The following GNB4 variants were observed in gnomAD, a reference collection of about 807,000 sequenced individuals.
GNB4 encodes the protein G protein subunit beta 4, also known as guanine nucleotide-binding protein subunit beta-4.
GNB4 carries 28 observed loss-of-function variants against 45.2 expected under a neutral mutation model. The observed-to-expected ratio is 0.62, with a 90% CI of 0.46 to 0.85. The LOEUF (loss-of-function observed/expected upper bound fraction) is 0.85. Among genes scored for constraint, GNB4 ranks in the 40% least tolerant of loss-of-function variants. GNB4 has a pLI of 0.00. For synonymous variants in GNB4, 132 were observed against 143.7 expected, an observed-to-expected ratio of 0.92 and a Z score of 0.58; for missense variants, 321 against 425.4, an observed-to-expected ratio of 0.75 and a Z score of 2.16.
intron 1 of GNB4, among the ~76,000 whole-genome samples, chr3:179,442,903 G>C (rs1050657933): frequency 3.3e-5 from 5 of 152,168 alleles, no homozygotes; most frequent in African/African-American, 1.2e-4. Flanking sequence ...TAGCTGGGAT[G>C]AAAGGTGTGA....
intron 1 of GNB4, among the ~76,000 whole-genome samples, chr3:179,439,519 C>T (rs559875632): frequency 8.5e-5 from 13 of 152,124 alleles, no homozygotes; most frequent in African/African-American, 1.7e-4. Flanking sequence ...TTGTGGGCCC[C>T]GAGATCTCTA....
At chr3:179,447,249 C>T (rs770329162) in intron 1 of GNB4, among the ~76,000 whole-genome samples, 2 of 149,726 alleles carry the variant, frequency 1.3e-5, no homozygotes, top group Non-Finnish European at 2.9e-5. Context: ...ACAGCAGTGA[C>T]GATGGCGAGG....
In GNB4 at chr3:179,399,685, TAAAAAC is replaced by T. The variant is rs1359302909; in HGVS notation, c.*1522_*1527del. 4 of 152,144 alleles carry T rather than the reference TAAAAAC, an allele frequency of 2.6e-5. No homozygotes were observed. Among genetic ancestry groups the T allele is most frequent in the African/African-American group, 7.2e-5 (3 of 41,422 alleles). The allele number at this position is 152,144 out of a possible 1,614,324, so 9.4% of individuals were successfully genotyped here. A position where few individuals can be genotyped will look rare whatever the true frequency, so the allele number is the denominator to read the frequency against. On this transcript the variant is annotated 3_prime_UTR_variant, in exon 10 of 10. Coordinates refer to ENST00000232564, the MANE Select transcript of GNB4 (RefSeq NM_021629.4). ...TGCACATATTAGCACATTCACAACA[TAAAAAC>T]AAAAATTTAGAGGTAAAGTTTGGGA...
At chr3:179,488,763 G>A in the GNB4 span, among the ~76,000 whole-genome samples, 6 of 151,370 alleles carry the variant, frequency 4.0e-5, no homozygotes, top group African/African-American at 1.5e-4. Flanking sequence ...GGGCCAGATC[G>A]CTTGAGCTCA....
At chr3:179,412,389 G>T (rs1714676992) in intron 8 of GNB4, among the ~76,000 whole-genome samples, 2 of 152,064 alleles carry the variant, frequency 1.3e-5, no homozygotes, top group Admixed American at 6.6e-5. Flanking sequence ...GAGGCAGGAA[G>T]ATCACTTGAG....
the GNB4 span, among the ~76,000 whole-genome samples, chr3:179,514,639 C>T: frequency 2.0e-5 from 3 of 152,132 alleles, no homozygotes; most frequent in East Asian, 5.8e-4. Context: ...ACTGGGTGTC[C>T]TATACGAAGA....
the GNB4 span, among the ~76,000 whole-genome samples, chr3:179,468,031 T>TAAAAAA: frequency 6.5e-4 from 44 of 67,320 alleles, 2 homozygotes; most frequent in African/African-American, 2.5e-3. Flanking sequence ...ATTTTGTTGA[T>TAAAAAA]AAAAATATAT....
the GNB4 span, among the ~76,000 whole-genome samples, chr3:179,487,434 A>G: frequency 2.0e-5 from 3 of 152,314 alleles, no homozygotes; most frequent in South Asian, 6.2e-4. Context: ...CCTCTTGGCG[A>G]AGGGAACCCC....
chr3:179,497,038 AT>A, the GNB4 span, among the ~76,000 whole-genome samples: 1 of 152,014 alleles, frequency 6.6e-6, no homozygotes, highest in Non-Finnish European at 1.5e-5. Flanking sequence ...TTTGGGATTA[AT>A]TTTTTCTTTT....
the GNB4 span, among the ~76,000 whole-genome samples, chr3:179,525,192 G>A: frequency 9.2e-5 from 14 of 152,106 alleles, no homozygotes; most frequent in South Asian, 2.1e-4. Flanking sequence ...AGACCCATTC[G>A]CCCATTTTTT....
At chr3:179,470,964 G>C in the GNB4 span, among the ~76,000 whole-genome samples, 2 of 152,114 alleles carry the variant, frequency 1.3e-5, no homozygotes, top group Non-Finnish European at 2.9e-5. Flanking sequence ...CGGATCACGA[G>C]GTCAGGAGAT....
chr3:179,451,641 G>C (rs551466086), upstream of GNB4: 20 of 151,646 alleles, frequency 1.3e-4, no homozygotes, highest in Non-Finnish European at 2.2e-4. Context: ...CGAAGGGAGC[G>C]GGCGCCGCGC....
the GNB4 span, among the ~76,000 whole-genome samples, chr3:179,514,485 G>A: frequency 6.6e-6 from 1 of 152,196 alleles, no homozygotes; most frequent in Non-Finnish European, 1.5e-5. Context: ...GAAGCTGACA[G>A]AGTGTTAGGG....
intron 4 of GNB4, among the ~76,000 whole-genome samples, chr3:179,418,155 C>T (rs1450409410): frequency 6.6e-6 from 1 of 152,044 alleles, no homozygotes; most frequent in Non-Finnish European, 1.5e-5. Context: ...TTTTTATCTT[C>T]AACTCCTTTA....
At chr3:179,492,962 C>T in the GNB4 span, among the ~76,000 whole-genome samples, 1 of 152,204 alleles carries the variant, frequency 6.6e-6, no homozygotes, top group Admixed American at 6.5e-5. Flanking sequence ...TCTTTGCCAA[C>T]AGAGACTTCA....
At chr3:179,464,521 A>C in the GNB4 span, 3 of 1,611,526 alleles carry the variant, frequency 1.9e-6, no homozygotes, top group Admixed American at 1.7e-5. Flanking sequence ...GAGGTAGAAG[A>C]GTGGGTGGCC....
the GNB4 span, among the ~76,000 whole-genome samples, chr3:179,502,663 C>T: frequency 6.6e-6 from 1 of 151,800 alleles, no homozygotes; most frequent in Non-Finnish European, 1.5e-5. Context: ...GCAATGGTAG[C>T]CTGTAGTCTA....
chr3:179,486,823 C>G, the GNB4 span, among the ~76,000 whole-genome samples: 1 of 152,218 alleles, frequency 6.6e-6, no homozygotes, highest in South Asian at 2.1e-4. Flanking sequence ...GCTTAAGAAA[C>G]AGCTTTAAAT....
the GNB4 span, among the ~76,000 whole-genome samples, chr3:179,495,752 G>A: frequency 1.3e-5 from 2 of 152,104 alleles, no homozygotes; most frequent in African/African-American, 4.8e-5. Flanking sequence ...ACCCACATAA[G>A]GCTATCAGTG....
Sources: allele counts gnomAD v4.1 joint callset (sites outside exome capture counted in the v4.1 genomes callset), GRCh38; gene constraint gnomAD v4.1.1; transcripts MANE v1.5; gene names NCBI Gene and HGNC (gene_info 2026-07-23, HGNC 2026-07-21).